DEPTOR: variants seen among roughly 807,000 people sequenced by gnomAD.
DEPTOR encodes the protein DEP domain containing MTOR interacting protein.
DEPTOR carries 41 observed loss-of-function variants against 41.6 expected under a neutral mutation model. The ratio of observed to expected loss-of-function variants is 0.98; its 90% CI spans 0.77 to 1.28. The LOEUF (loss-of-function observed/expected upper bound fraction) is 1.28, where lower values mean the gene tolerates loss of function less well. Ranked by LOEUF, DEPTOR falls within the 50% of genes most tolerant of loss-of-function variation. The pLI, the probability that DEPTOR is intolerant of heterozygous loss-of-function variation, is 0.00. For synonymous variants in DEPTOR, 195 were observed against 192.3 expected, an observed-to-expected ratio of 1.01 and a Z score of -0.12; for missense variants, 514 against 527.9, an observed-to-expected ratio of 0.97 and a Z score of 0.26.
intron 4 of DEPTOR, among the ~76,000 whole-genome samples, chr8:119,988,858 C>T (rs1828862641): frequency 6.6e-6 from 1 of 151,144 alleles, no homozygotes; most frequent in South Asian, 2.1e-4. Context: ...AAATTCAGAG[C>T]AGTTAAGTAA....
chr8:120,042,523 A>AT (rs1813092336), intron 8 of DEPTOR, among the ~76,000 whole-genome samples: 1 of 151,976 alleles, frequency 6.6e-6, no homozygotes, highest in Admixed American at 6.6e-5. Context: ...TTTTTATTTT[A>AT]TTTTTTATTT....
chr8:119,974,264 GAGAA>G (rs1396477119), intron 4 of DEPTOR, among the ~76,000 whole-genome samples: 1 of 98,434 alleles, frequency 1.0e-5, no homozygotes, highest in Non-Finnish European at 2.1e-5. Flanking sequence ...AAAAAAAAAA[GAGAA>G]AGAAGGTACT....
Position 119,894,555 on chromosome 8 carries a change from C to T in DEPTOR, c.122+20587C>T, listed in dbSNP as rs901381184. 8.5e-5 allele frequency among the ~76,000 whole-genome samples: 13 copies of T among 152,068 alleles called. No homozygotes were observed. In the South Asian group the frequency reaches 1.0e-3, roughly 12 times the overall value. On this transcript the variant is annotated intron_variant, in intron 1 of 8. Transcript: ENST00000286234. ...GGGACTACAGGCACCCGCCACTATG[C>T]CCGGCTAATTTTTTGTATTTTTAGT...
intron 4 of DEPTOR, among the ~76,000 whole-genome samples, chr8:119,978,646 A>G (rs1483977313): frequency 6.6e-6 from 1 of 152,090 alleles, no homozygotes; most frequent in African/African-American, 2.4e-5. Flanking sequence ...TTCTAGTATC[A>G]GCCCCCTCCC....
chr8:120,031,855 G>A (rs1328442187), intron 8 of DEPTOR, among the ~76,000 whole-genome samples: 1 of 152,070 alleles, frequency 6.6e-6, no homozygotes, highest in East Asian at 1.9e-4. Flanking sequence ...TCCCACTGCT[G>A]TGACTTGAGT....
At chr8:120,042,652 G>A (rs1331120732) in intron 8 of DEPTOR, among the ~76,000 whole-genome samples, 1 of 151,896 alleles carries the variant, frequency 6.6e-6, no homozygotes, top group African/African-American at 2.4e-5. Flanking sequence ...CCAAGTAGCT[G>A]GGATTACAGG....
intron 8 of DEPTOR, among the ~76,000 whole-genome samples, chr8:120,037,999 G>A (rs964321408): frequency 2.0e-5 from 3 of 152,264 alleles, no homozygotes; most frequent in Non-Finnish European, 2.9e-5. Context: ...GGGCCCGGTG[G>A]CTCACATCTA....
At chr8:119,881,955 A>G (rs991206412) in intron 1 of DEPTOR, among the ~76,000 whole-genome samples, 1 of 152,126 alleles carries the variant, frequency 6.6e-6, no homozygotes, top group Non-Finnish European at 1.5e-5. Flanking sequence ...CAGTGGTGCA[A>G]TCGCGGCTCA....
intron 1 of DEPTOR, among the ~76,000 whole-genome samples, chr8:119,908,324 C>T (rs1158345501): frequency 6.6e-6 from 1 of 152,104 alleles, no homozygotes. Flanking sequence ...GGTGCAGTGG[C>T]TCACTTGTAA....
intron 4 of DEPTOR, among the ~76,000 whole-genome samples, chr8:119,970,160 G>T (rs1015058474): frequency 5.9e-5 from 9 of 152,026 alleles, no homozygotes; most frequent in African/African-American, 2.2e-4. Flanking sequence ...TCTGTATGTT[G>T]ACCACATCTA....
At chr8:119,965,898 G>A (rs562991360) in intron 4 of DEPTOR, among the ~76,000 whole-genome samples, 9 of 152,240 alleles carry the variant, frequency 5.9e-5, no homozygotes, top group Admixed American at 4.6e-4. Flanking sequence ...ATCACTTTCC[G>A]TTTAGGGCCA....
chr8:119,904,988 T>G lies in DEPTOR; in HGVS notation c.123-23412T>G, dbSNP rs1252071431. Among the ~76,000 whole-genome samples, 11 of 110,764 alleles carry G rather than the reference T, an allele frequency of 9.9e-5. No individual in the cohort carries two copies. The East Asian group carries it at 2.3e-3, about 23-fold the overall frequency. The allele number at this position is 110,764 out of a possible 152,430, so 72.7% of individuals were successfully genotyped here. A position where few individuals can be genotyped will look rare whatever the true frequency, so the allele number is the denominator to read the frequency against. On this transcript the variant is annotated intron_variant, in intron 1 of 8. Transcript: ENST00000286234. ...TGCTTTTTTTTTTTTTTTTTTTTTT[T>G]GTAGAGACAGAGTCTCACTATGTTG...
intron 4 of DEPTOR, among the ~76,000 whole-genome samples, chr8:119,966,339 G>C (rs780779079): frequency 6.6e-6 from 1 of 152,126 alleles, no homozygotes; most frequent in African/African-American, 2.4e-5. Flanking sequence ...TGTGGTGCAC[G>C]TCTGTAATCC....
intron 4 of DEPTOR, among the ~76,000 whole-genome samples, chr8:119,978,652 C>A (rs994053134): frequency 2.0e-5 from 3 of 152,150 alleles, no homozygotes; most frequent in African/African-American, 7.2e-5. Flanking sequence ...TATCAGCCCC[C>A]TCCCAGCTGG....
At chr8:120,013,154 C>CAAAAAAA (rs34050547) in intron 8 of DEPTOR, among the ~76,000 whole-genome samples, 1 of 127,020 alleles carries the variant, frequency 7.9e-6, no homozygotes. Flanking sequence ...GAGACTGTCT[C>CAAAAAAA]AAAAAGAAAA....
intron 4 of DEPTOR, among the ~76,000 whole-genome samples, chr8:119,990,423 C>CT (rs113992932): frequency 0.032 from 4,817 of 152,162 alleles, 168 homozygotes; most frequent in African/African-American, 0.087. Flanking sequence ...TCCCAAAGTG[C>CT]GGGATTACAG....
chr8:119,913,564 C>T (rs149637029), intron 1 of DEPTOR, among the ~76,000 whole-genome samples: 26 of 152,114 alleles, frequency 1.7e-4, no homozygotes, highest in African/African-American at 5.6e-4. Flanking sequence ...ACTGCTGTTA[C>T]CTTTTAAATG....
intron 4 of DEPTOR, among the ~76,000 whole-genome samples, chr8:119,976,785 C>T (rs1184039758): frequency 6.6e-6 from 1 of 151,996 alleles, no homozygotes; most frequent in Non-Finnish European, 1.5e-5. Flanking sequence ...CACCTCTTGA[C>T]CCTGGGTGGG....
intron 3 of DEPTOR, among the ~76,000 whole-genome samples, chr8:119,952,641 G>A (rs1563974593): frequency 6.6e-6 from 1 of 152,188 alleles, no homozygotes. Flanking sequence ...TGTTCTCATT[G>A]TTCAGTTCCC....
Sources: gnomAD v4.1 joint callset for allele counts (sites outside exome capture counted in the v4.1 genomes callset) on GRCh38, gnomAD v4.1.1 for gene constraint, MANE v1.5 for transcripts, NCBI Gene and HGNC (gene_info 2026-07-23, HGNC 2026-07-21) for gene names.